FOXP1: variants seen among roughly 807,000 people sequenced by gnomAD.
The protein encoded by FOXP1 is forkhead box protein P1.
In FOXP1, 15 loss-of-function variants were observed where a neutral mutation model predicts 98.2. The ratio of observed to expected loss-of-function variants is 0.15; its 90% CI spans 0.10 to 0.24. FOXP1 has a LOEUF of 0.24. FOXP1 is among the 10% of genes least tolerant of loss of function. The probability of loss-of-function intolerance (pLI) is 1.00; values close to 1 mark genes in which losing one functional copy is unlikely to be tolerated. For synonymous variants in FOXP1, 371 were observed against 314.5 expected, an observed-to-expected ratio of 1.18 and a Z score of -1.90; for missense variants, 633 against 848.5, an observed-to-expected ratio of 0.75 and a Z score of 3.15.
At chr3:71,271,547 G>C (rs1373688632) in intron 5 of FOXP1, among the ~76,000 whole-genome samples, 4 of 152,086 alleles carry the variant, frequency 2.6e-5, no homozygotes, top group African/African-American at 9.7e-5. Flanking sequence ...ATCCACTCCA[G>C]AGCTGGCCAA....
chr3:71,565,274 C>T (rs2046824698), intron 2 of FOXP1, among the ~76,000 whole-genome samples: 2 of 152,114 alleles, frequency 1.3e-5, no homozygotes, highest in African/African-American at 4.8e-5. Flanking sequence ...CACGGGCAGG[C>T]CTTCTATAGG....
intron 2 of FOXP1, among the ~76,000 whole-genome samples, chr3:71,544,410 A>T (rs2045186325): frequency 6.6e-6 from 1 of 152,078 alleles, no homozygotes; most frequent in Admixed American, 6.5e-5. Context: ...TGGAACAAAA[A>T]AAAGGAAAAA....
In FOXP1 at chr3:71,308,004, G is replaced by A. The variant is rs77015155; in HGVS notation, c.-72-8124C>T. On this transcript the variant is annotated intron_variant, in intron 4 of 20. Transcript: ENST00000649528. ...TCCTTGCTGAAAGAGCGCCGGATTC[G>A]GGAGCGAATGGCACAGACACAGGGA... 9.7e-3 allele frequency among the ~76,000 whole-genome samples: 1,471 copies of A among 152,274 alleles called. 36 individuals are homozygous for A. The highest frequency in any genetic ancestry group is 0.093 in the East Asian group (480 of 5,186).
At chr3:71,346,461 T>C (rs1032807647) in intron 4 of FOXP1, among the ~76,000 whole-genome samples, 2 of 152,190 alleles carry the variant, frequency 1.3e-5, no homozygotes, top group Non-Finnish European at 2.9e-5. Context: ...GTTGTTTTCA[T>C]CCAAGGTTAT....
intron 5 of FOXP1, among the ~76,000 whole-genome samples, chr3:71,289,204 C>T (rs992520572): frequency 6.6e-6 from 1 of 151,898 alleles, no homozygotes; most frequent in Non-Finnish European, 1.5e-5. Context: ...CCATGCCGAG[C>T]TAGTTTTTGT....
chr3:71,281,481 C>T (rs989751503), intron 5 of FOXP1, among the ~76,000 whole-genome samples: 5 of 152,168 alleles, frequency 3.3e-5, no homozygotes, highest in Non-Finnish European at 7.4e-5. Context: ...ATTCTGGCTC[C>T]CTGCCCTGTA....
At chr3:71,235,873 C>A (rs151122408) in intron 5 of FOXP1, among the ~76,000 whole-genome samples, 1 of 152,222 alleles carries the variant, frequency 6.6e-6, no homozygotes, top group African/African-American at 2.4e-5. Context: ...GCTAATATTT[C>A]TCTCTTTAAG....
chr3:71,548,348 C>T (rs1429667936), intron 2 of FOXP1, among the ~76,000 whole-genome samples: 1 of 152,166 alleles, frequency 6.6e-6, no homozygotes, highest in East Asian at 1.9e-4. Context: ...TCCCAAACAG[C>T]CTCATAACAG....
chr3:71,500,271 A>C (rs1279022220), intron 2 of FOXP1, among the ~76,000 whole-genome samples: 6 of 152,258 alleles, frequency 3.9e-5, no homozygotes, highest in Non-Finnish European at 8.8e-5. Context: ...TCTAGCTCTG[A>C]GGCTCAACCT....
At chr3:71,027,378 C>T (rs1220704778) in intron 11 of FOXP1, among the ~76,000 whole-genome samples, 3 of 152,160 alleles carry the variant, frequency 2.0e-5, no homozygotes, top group African/African-American at 7.2e-5. Context: ...TACACAAGGG[C>T]CAGACCAGAA....
chr3:70,971,251 G>A (rs992826671), intron 18 of FOXP1: 3 of 233,834 alleles, frequency 1.3e-5, no homozygotes, highest in Non-Finnish European at 2.6e-5. Flanking sequence ...GACTGCTAGA[G>A]GGATGGCAGG....
At chr3:71,322,872 T>A (rs1576967392) in intron 4 of FOXP1, among the ~76,000 whole-genome samples, 1 of 151,992 alleles carries the variant, frequency 6.6e-6, no homozygotes, top group Admixed American at 6.6e-5. Context: ...CCTCTGGAGA[T>A]GGACATGAGA....
rs2036463495 is a variant in FOXP1, at chr3:70,972,441, A to T, written c.1652+114T>A. ...AATGCTTTTTTGCTTCCCTTAACTG[A>T]GACAACGTGAAACCAGTTCTTTGGT... On this transcript the variant is annotated intron_variant, in intron 18 of 20. Coordinates refer to ENST00000649528, the MANE Select transcript of FOXP1 (RefSeq NM_001349338.3). 6 of 1,467,352 alleles carry T rather than the reference A, an allele frequency of 4.1e-6. No homozygotes were observed. In the Admixed American group the frequency reaches 8.4e-5, roughly 20 times the overall value. 90.9% of individuals were successfully genotyped at this position (1,467,352 alleles called of 1,614,324 possible).
intron 6 of FOXP1, chr3:71,197,972 A>T: frequency 2.5e-6 from 4 of 1,614,082 alleles, no homozygotes; most frequent in Non-Finnish European, 2.5e-6. Flanking sequence ...GCTCCCCACA[A>T]GGGGACCTGC....
chr3:71,543,239 C>A (rs949183001), intron 2 of FOXP1, among the ~76,000 whole-genome samples: 1 of 152,188 alleles, frequency 6.6e-6, no homozygotes, highest in Non-Finnish European at 1.5e-5. Context: ...GAATAAATTG[C>A]ATCATTTAGT....
intron 2 of FOXP1, among the ~76,000 whole-genome samples, chr3:71,567,453 CT>C (rs1456608985): frequency 2.0e-5 from 3 of 151,928 alleles, no homozygotes; most frequent in Non-Finnish European, 4.4e-5. Flanking sequence ...AGAATTCAAG[CT>C]ACTTAGTCTA....
intron 3 of FOXP1, among the ~76,000 whole-genome samples, chr3:71,414,655 G>A (rs533905985): frequency 3.9e-4 from 60 of 152,360 alleles, no homozygotes; most frequent in African/African-American, 1.3e-3. Context: ...CCCGCAGAGG[G>A]GGAGTAAGGG....
intron 6 of FOXP1, among the ~76,000 whole-genome samples, chr3:71,159,890 C>T (rs2061046452): frequency 1.3e-5 from 2 of 152,134 alleles, no homozygotes; most frequent in African/African-American, 4.8e-5. Context: ...CACAGTTACG[C>T]TCATAAGAAA....
chr3:71,306,959 T>C (rs1361167559), intron 4 of FOXP1, among the ~76,000 whole-genome samples: 1 of 152,224 alleles, frequency 6.6e-6, no homozygotes, highest in Non-Finnish European at 1.5e-5. Flanking sequence ...ATGCCAGTGT[T>C]AGGAATTCAC....
Sources: allele counts gnomAD v4.1 joint callset (sites outside exome capture counted in the v4.1 genomes callset), GRCh38; gene constraint gnomAD v4.1.1; transcripts MANE v1.5; gene names NCBI Gene and HGNC (gene_info 2026-07-23, HGNC 2026-07-21).